PDE1A: variants seen among roughly 807,000 people sequenced by gnomAD.
The protein encoded by PDE1A is dual specificity calcium/calmodulin-dependent 3',5'-cyclic nucleotide phosphodiesterase 1A.
PDE1A carries 35 observed loss-of-function variants against 61.7 expected under a neutral mutation model. The ratio of observed to expected loss-of-function variants is 0.57; its 90% CI spans 0.43 to 0.75. The LOEUF is 0.75. Ranked by LOEUF, PDE1A falls within the 30% of genes least tolerant of loss-of-function variation. PDE1A has a pLI of 0.00. For missense variants in PDE1A, 597 were observed against 630.6 expected (o/e 0.95, Z 0.57); for synonymous variants, 232 against 213.2 (o/e 1.09, Z -0.77).
chr2:182,166,015 A>C (rs1366963261), downstream of PDE1A, among the ~76,000 whole-genome samples: 1 of 152,144 alleles, frequency 6.6e-6, no homozygotes, highest in Non-Finnish European at 1.5e-5. Flanking sequence ...GTTGGCTTGT[A>C]AACAGGATAG....
intron 1 of PDE1A, among the ~76,000 whole-genome samples, chr2:182,372,548 T>A (rs542459029): frequency 1.1e-4 from 16 of 152,352 alleles, no homozygotes; most frequent in South Asian, 8.3e-4. Flanking sequence ...TTACAACAGT[T>A]CCTTAAGTAC....
chr2:182,590,784 G>A, the PDE1A span, among the ~76,000 whole-genome samples: 9 of 152,228 alleles, frequency 5.9e-5, no homozygotes, highest in East Asian at 7.7e-4. Flanking sequence ...TATCTGTTAC[G>A]TAAAATTGAG....
intron 1 of PDE1A, among the ~76,000 whole-genome samples, chr2:182,338,778 T>A (rs1428837288): frequency 6.6e-6 from 1 of 152,182 alleles, no homozygotes; most frequent in Non-Finnish European, 1.5e-5. Flanking sequence ...CGCCTCGGCC[T>A]GCCAAAGTGC....
chr2:182,147,783 C>T (rs1325654279), intron 13 of PDE1A, among the ~76,000 whole-genome samples: 1 of 152,080 alleles, frequency 6.6e-6, no homozygotes, highest in Non-Finnish European at 1.5e-5. Context: ...ACAAAATAAA[C>T]AGAAATTAAT....
At chr2:182,674,026 ATTGAT>A in the PDE1A span, among the ~76,000 whole-genome samples, 3 of 147,242 alleles carry the variant, frequency 2.0e-5, no homozygotes, top group African/African-American at 5.0e-5. Flanking sequence ...ATATATATGA[ATTGAT>A]TTAAGCCTAA....
chr2:182,683,312 C>G, the PDE1A span, among the ~76,000 whole-genome samples: 1 of 152,004 alleles, frequency 6.6e-6, no homozygotes, highest in African/African-American at 2.4e-5. Context: ...CTCCTGACCT[C>G]ATGATCCACC....
intron 3 of PDE1A, among the ~76,000 whole-genome samples, chr2:182,238,276 A>AAAAAAAAAG (rs1238098708): frequency 6.6e-6 from 1 of 151,324 alleles, no homozygotes; most frequent in Non-Finnish European, 1.5e-5. Flanking sequence ...CAAAAAAAAA[A>AAAAAAAAAG]AAAAAAGAAA....
chr2:182,193,179 G>T (rs1559164042), intron 10 of PDE1A, among the ~76,000 whole-genome samples: 1 of 151,840 alleles, frequency 6.6e-6, no homozygotes, highest in Non-Finnish European at 1.5e-5. Context: ...GTAGAGACAG[G>T]GTTTCACCAT....
chr2:182,384,283 A>C (rs914776239), intron 1 of PDE1A, among the ~76,000 whole-genome samples: 5 of 152,184 alleles, frequency 3.3e-5, no homozygotes, highest in Admixed American at 6.5e-5. Flanking sequence ...ATCATCAAAC[A>C]GACAAAATGA....
chr2:182,512,155 G>A (rs1398104651), intron 2 of PDE1A, among the ~76,000 whole-genome samples: 1 of 152,144 alleles, frequency 6.6e-6, no homozygotes, highest in African/African-American at 2.4e-5. Context: ...AAACCCCACT[G>A]CTACAACCTC....
At chr2:182,297,520 A>G (rs536982987) in intron 1 of PDE1A, among the ~76,000 whole-genome samples, 1 of 152,370 alleles carries the variant, frequency 6.6e-6, no homozygotes, top group African/African-American at 2.4e-5. Flanking sequence ...CAAATGTGAA[A>G]GTAACAGTCT....
intron 2 of PDE1A, among the ~76,000 whole-genome samples, chr2:182,437,670 G>A (rs1684523661): frequency 6.6e-6 from 1 of 151,880 alleles, no homozygotes; most frequent in Non-Finnish European, 1.5e-5. Flanking sequence ...ACAAAGGTTT[G>A]AACCTGGGAC....
the PDE1A span, among the ~76,000 whole-genome samples, chr2:182,560,651 G>A: frequency 3.9e-5 from 6 of 152,206 alleles, no homozygotes; most frequent in Admixed American, 6.5e-5. Context: ...TGACTTTCAC[G>A]ATGGTTGAAC....
At chr2:182,558,562 A>G in the PDE1A span, among the ~76,000 whole-genome samples, 4 of 152,230 alleles carry the variant, frequency 2.6e-5, no homozygotes, top group Non-Finnish European at 1.5e-5. Flanking sequence ...AGTGAAAGGT[A>G]CAAGATCATG....
chr2:182,330,684 G>C (rs1421895367), intron 1 of PDE1A, among the ~76,000 whole-genome samples: 1 of 152,054 alleles, frequency 6.6e-6, no homozygotes, highest in Non-Finnish European at 1.5e-5. Context: ...GCTCTAGAAA[G>C]GGGTCTCTCA....
At chr2:182,666,416 G>T in the PDE1A span, among the ~76,000 whole-genome samples, 1 of 151,950 alleles carries the variant, frequency 6.6e-6, no homozygotes, top group Non-Finnish European at 1.5e-5. Flanking sequence ...TCAGGAGTTC[G>T]AGACCAGCCT....
the PDE1A span, among the ~76,000 whole-genome samples, chr2:182,653,282 T>C: frequency 6.6e-6 from 1 of 152,176 alleles, no homozygotes; most frequent in Non-Finnish European, 1.5e-5. Flanking sequence ...CAATTCTGTT[T>C]CCATGTCTTG....
chr2:182,424,876 T>C (rs947421723), intron 1 of PDE1A, among the ~76,000 whole-genome samples: 4 of 152,180 alleles, frequency 2.6e-5, no homozygotes, highest in African/African-American at 9.6e-5. Flanking sequence ...TAGACCTACT[T>C]GTAACAACTC....
intron 1 of PDE1A, among the ~76,000 whole-genome samples, chr2:182,316,890 G>A (rs2125972970): frequency 6.6e-6 from 1 of 152,294 alleles, no homozygotes; most frequent in South Asian, 2.1e-4. Flanking sequence ...CCAAATTGCT[G>A]TAGGATTGAC....
Sources: allele counts gnomAD v4.1 joint callset (sites outside exome capture counted in the v4.1 genomes callset), GRCh38; gene constraint gnomAD v4.1.1; transcripts MANE v1.5; gene names NCBI Gene and HGNC (gene_info 2026-07-23, HGNC 2026-07-21).